HMMR: variants seen among roughly 807,000 people sequenced by gnomAD.
HMMR encodes the protein hyaluronan mediated motility receptor, also known as intracellular hyaluronic acid-binding protein.
A neutral mutation model predicts 101.0 loss-of-function variants in HMMR; 108 were observed. The ratio of observed to expected loss-of-function variants is 1.07; its 90% CI spans 0.92 to 1.25. HMMR has a LOEUF of 1.25. Among genes scored for constraint, HMMR ranks in the 50% most tolerant of loss-of-function variants. HMMR has a pLI of 0.00. For missense variants in HMMR, 813 were observed against 788.7 expected (o/e 1.03, Z -0.37); for synonymous variants, 296 against 276.4 (o/e 1.07, Z -0.70).
At chr5:163,487,991 G>A (rs535471911) in intron 16 of HMMR, among the ~76,000 whole-genome samples, 3 of 152,128 alleles carry the variant, frequency 2.0e-5, no homozygotes, top group Admixed American at 6.5e-5. Context: ...AAGTAGCTGG[G>A]ACTACAGGCG....
In HMMR at chr5:163,486,640, TGTA is replaced by T. The variant is rs1489193603; in HGVS notation, c.1962+2399_1962+2401del. On this transcript the variant is annotated intron_variant, in intron 16 of 17. Coordinates refer to ENST00000393915, the MANE Select transcript of HMMR (RefSeq NM_001142556.2). ...TTGTCTAATATCTCTGGCTAAAACC[TGTA>T]GTATAATACAGTGTTGAATTTAGAA... 8.5e-5 allele frequency among the ~76,000 whole-genome samples: 13 copies of T among 152,344 alleles called. No individual in the cohort carries two copies. The East Asian group carries it at 2.5e-3, about 29-fold the overall frequency.
chr5:163,461,954 G>T (rs1308742979), intron 1 of HMMR, among the ~76,000 whole-genome samples: 2 of 152,276 alleles, frequency 1.3e-5, no homozygotes, highest in East Asian at 3.9e-4. Flanking sequence ...TAAAGCTCAT[G>T]ATTTATTCAC....
At chr5:163,478,003 A>G (rs1759124651) in intron 11 of HMMR, among the ~76,000 whole-genome samples, 2 of 152,178 alleles carry the variant, frequency 1.3e-5, no homozygotes, top group Non-Finnish European at 2.9e-5. Flanking sequence ...CTATAAGTAC[A>G]CAATGCTTAT....
intron 16 of HMMR, chr5:163,489,531 C>T (rs1759605575): frequency 6.6e-6 from 1 of 152,430 alleles, no homozygotes; most frequent in East Asian, 1.9e-4. Context: ...CATCCTCTGC[C>T]CTAGGAGCTG....
At chr5:163,465,360 G>C (rs1015699357) in intron 3 of HMMR, among the ~76,000 whole-genome samples, 2 of 151,830 alleles carry the variant, frequency 1.3e-5, no homozygotes, top group Non-Finnish European at 2.9e-5. Context: ...TTGAGATGGA[G>C]TATCACTCTG....
At chr5:163,475,793 A>T in intron 11 of HMMR, 121 bp downstream of exon 11, 1 of 456,588 alleles carries the variant, frequency 2.2e-6, no homozygotes, top group Non-Finnish European at 3.9e-6. Context: ...TTTATAATTA[A>T]GTAGTAATTA....
intron 15 of HMMR, 30 bp downstream of exon 15, chr5:163,483,397 G>A: frequency 8.4e-7 from 1 of 1,195,944 alleles, no homozygotes. Flanking sequence ...ACTTACTTGT[G>A]TTTATTTTAG....
chr5:163,464,619 AAAC>A, intron 2 of HMMR, 101 bp from the exon 3 acceptor site: 1 of 795,390 alleles, frequency 1.3e-6, no homozygotes, highest in South Asian at 1.5e-5. Context: ...CAAAAAACAA[AAAC>A]AAACAAAAAG....
chr5:163,464,006 G>T (rs1404889067), intron 2 of HMMR, 52 bp downstream of exon 2: 6 of 557,634 alleles, frequency 1.1e-5, no homozygotes, highest in Non-Finnish European at 1.8e-5. Flanking sequence ...AAGTTTTAAA[G>T]TTATGAATAA....
intron 5 of HMMR, among the ~76,000 whole-genome samples, chr5:163,470,721 GCTCATGC>G (rs1250173870): frequency 6.6e-6 from 1 of 152,178 alleles, no homozygotes; most frequent in Non-Finnish European, 1.5e-5. Flanking sequence ...TGGTACAGTG[GCTCATGC>G]CTGTATTTCC....
At chr5:163,480,461 T>A (rs1303385215) in intron 12 of HMMR, among the ~76,000 whole-genome samples, 1 of 152,212 alleles carries the variant, frequency 6.6e-6, no homozygotes, top group Non-Finnish European at 1.5e-5. Flanking sequence ...ACAACTTATT[T>A]ATTCATTCTT....
chr5:163,463,122 A>G (rs895397920), intron 1 of HMMR, among the ~76,000 whole-genome samples: 3 of 152,222 alleles, frequency 2.0e-5, no homozygotes, highest in African/African-American at 7.2e-5. Flanking sequence ...GACTTTAGTT[A>G]AGTGAAATTA....
intron 2 of HMMR, 107 bp from the exon 3 acceptor site, chr5:163,464,616 C>A (rs1758641307): frequency 1.3e-6 from 1 of 774,348 alleles, no homozygotes; most frequent in Non-Finnish European, 2.2e-6. Flanking sequence ...TCTCAAAAAA[C>A]AAAAACAAAC....
intron 12 of HMMR, among the ~76,000 whole-genome samples, chr5:163,480,447 T>G (rs1450188890): frequency 6.6e-6 from 1 of 152,212 alleles, no homozygotes; most frequent in Non-Finnish European, 1.5e-5. Context: ...TGTATGAATA[T>G]ACCACAACTT....
chr5:163,483,001 CT>C lies in HMMR; in HGVS notation c.1533-17del. The C allele has an allele frequency of 6.4e-7, 1 of 1,566,274 alleles. No homozygotes were observed. Among genetic ancestry groups the C allele is most frequent in the Non-Finnish European group, 8.6e-7 (1 of 1,162,158 alleles). On this transcript the variant is annotated intron_variant, in intron 13 of 17. Coordinates refer to ENST00000393915, the MANE Select transcript of HMMR (RefSeq NM_001142556.2). ...GTGGCTATAAAATGTTTAGTGACCT[CT>C]TCTCTCTCAAACCAAAGGATGCTTC... is the stretch of plus-strand genomic sequence containing the variant.
At chr5:163,470,616 A>C (rs1226073686) in intron 5 of HMMR, among the ~76,000 whole-genome samples, 2 of 152,202 alleles carry the variant, frequency 1.3e-5, no homozygotes, top group South Asian at 4.1e-4. Context: ...ACGGCACTCC[A>C]GCCTGGGTGA....
chr5:163,472,468 G>A (rs1758929812), intron 7 of HMMR, among the ~76,000 whole-genome samples: 1 of 152,012 alleles, frequency 6.6e-6, no homozygotes, highest in Non-Finnish European at 1.5e-5. Context: ...ATTTCTAGGA[G>A]TAGAATTCTT....
At chr5:163,482,504 C>T in intron 12 of HMMR, 138 bp from the exon 13 acceptor site, 1 of 624,682 alleles carries the variant, frequency 1.6e-6, no homozygotes, top group Non-Finnish European at 2.8e-6. Context: ...ACACTGAATT[C>T]TTACCTGTGT....
intron 3 of HMMR, among the ~76,000 whole-genome samples, chr5:163,465,822 G>A (rs1344618501): frequency 3.3e-5 from 5 of 152,092 alleles, no homozygotes; most frequent in East Asian, 3.9e-4. Flanking sequence ...TGTGCTGGAC[G>A]TGGTGGCACG....
Sources: gnomAD v4.1 joint callset for allele counts (sites outside exome capture counted in the v4.1 genomes callset) on GRCh38, gnomAD v4.1.1 for gene constraint, MANE v1.5 for transcripts, NCBI Gene and HGNC (gene_info 2026-07-23, HGNC 2026-07-21) for gene names.